The following FER variants were observed in gnomAD, a reference collection of about 807,000 sequenced individuals.
FER encodes the protein tyrosine-protein kinase Fer.
FER carries 63 observed loss-of-function variants against 111.0 expected under a neutral mutation model. That is an observed-to-expected ratio of 0.57 (90% confidence interval 0.46 to 0.70). The LOEUF (loss-of-function observed/expected upper bound fraction) is 0.70, where lower values mean the gene tolerates loss of function less well. FER is among the 30% of genes least tolerant of loss of function. The pLI is 0.00. For missense variants in FER, 914 were observed against 954.0 expected, an observed-to-expected ratio of 0.96 and a Z score of 0.55; for synonymous variants, 327 against 313.9, an observed-to-expected ratio of 1.04 and a Z score of -0.44.
chr5:109,120,957 T>C (rs1750887045), intron 17 of FER, among the ~76,000 whole-genome samples: 1 of 151,966 alleles, frequency 6.6e-6, no homozygotes, highest in African/African-American at 2.4e-5. Flanking sequence ...ATCCCATAAC[T>C]TTACTGAATG....
chr5:108,813,614 C>T (rs1580684947), intron 3 of FER, among the ~76,000 whole-genome samples: 1 of 152,004 alleles, frequency 6.6e-6, no homozygotes, highest in African/African-American at 2.4e-5. Flanking sequence ...TTGTTGTCTT[C>T]TACTTCACTA....
chr5:109,051,957 C>G, intron 16 of FER: 3 of 1,590,382 alleles, frequency 1.9e-6, no homozygotes, highest in Non-Finnish European at 2.6e-6. Flanking sequence ...TCAGCAAGGT[C>G]ACCTCAAAGA....
chr5:108,860,909 G>C (rs1193184373), intron 5 of FER, among the ~76,000 whole-genome samples: 1 of 152,184 alleles, frequency 6.6e-6, no homozygotes, highest in East Asian at 1.9e-4. Context: ...CTGAGCAAGA[G>C]TAGGGAAAAC....
chr5:108,824,494 C>T (rs915622414), intron 3 of FER, among the ~76,000 whole-genome samples: 1 of 152,030 alleles, frequency 6.6e-6, no homozygotes, highest in African/African-American at 2.4e-5. Context: ...TTATAGTTTT[C>T]AGTGCAAAGA....
intron 1 of FER, among the ~76,000 whole-genome samples, chr5:108,759,067 G>T (rs968717246): frequency 2.0e-5 from 3 of 152,188 alleles, no homozygotes; most frequent in Non-Finnish European, 2.9e-5. Flanking sequence ...CTTTAGCTCT[G>T]TTTGAACAGA....
chr5:109,092,190 TG>T (rs1746866209), intron 16 of FER, among the ~76,000 whole-genome samples: 1 of 148,528 alleles, frequency 6.7e-6, no homozygotes, highest in South Asian at 2.1e-4. Flanking sequence ...GATATTTGAT[TG>T]GACAATGATA....
chr5:108,881,454 C>T (rs1269595929), intron 8 of FER, among the ~76,000 whole-genome samples: 2 of 152,136 alleles, frequency 1.3e-5, no homozygotes, highest in African/African-American at 4.8e-5. Context: ...GATTCAGTTA[C>T]CTCCCACTGG....
At chr5:108,815,765 A>C (rs1020397315) in intron 3 of FER, among the ~76,000 whole-genome samples, 1 of 152,228 alleles carries the variant, frequency 6.6e-6, no homozygotes, top group Non-Finnish European at 1.5e-5. Flanking sequence ...AAAGTAATGA[A>C]AAATGCTTTT....
chr5:108,997,479 G>A (rs1047434168), intron 13 of FER, among the ~76,000 whole-genome samples: 3 of 151,096 alleles, frequency 2.0e-5, no homozygotes, highest in African/African-American at 7.3e-5. Context: ...ATACACTCAT[G>A]TCATCTGCAA....
chr5:108,861,522 T>C (rs910398755), intron 5 of FER, among the ~76,000 whole-genome samples: 2 of 152,154 alleles, frequency 1.3e-5, no homozygotes, highest in African/African-American at 4.8e-5. Flanking sequence ...TCCTTGTTGA[T>C]TGACATGTAG....
chr5:108,759,953 C>T (rs954262439), intron 1 of FER, among the ~76,000 whole-genome samples: 1 of 152,206 alleles, frequency 6.6e-6, no homozygotes, highest in Non-Finnish European at 1.5e-5. Context: ...ATATCTCATC[C>T]ATAATACAGG....
At chr5:109,165,595 T>G (rs1187220061) in intron 17 of FER, among the ~76,000 whole-genome samples, 6 of 45,842 alleles carry the variant, frequency 1.3e-4, no homozygotes, top group Admixed American at 4.3e-4. Context: ...AGGGAACTGG[T>G]GTGTGTGTGT....
At chr5:109,007,940 ATAAAT>A (rs1765709683) in intron 13 of FER, among the ~76,000 whole-genome samples, 1 of 152,202 alleles carries the variant, frequency 6.6e-6, no homozygotes, top group Non-Finnish European at 1.5e-5. Context: ...TTTAAAATAA[ATAAAT>A]TAGATAATTA....
chr5:108,821,556 TGCTTGG>T (rs1458050917), intron 3 of FER, among the ~76,000 whole-genome samples: 2 of 152,154 alleles, frequency 1.3e-5, no homozygotes, highest in African/African-American at 4.8e-5. Context: ...ATGCTTCTTG[TGCTTGG>T]GTTCATTGAG....
chr5:108,877,630 A>T (rs2150265078), intron 8 of FER, among the ~76,000 whole-genome samples: 1 of 152,356 alleles, frequency 6.6e-6, no homozygotes, highest in South Asian at 2.1e-4. Context: ...TTGCAACAAT[A>T]GAGAAAAAGA....
At chr5:109,100,658 T>G (rs1748112080) in intron 17 of FER, 139 bp downstream of exon 17, 2 of 841,874 alleles carry the variant, frequency 2.4e-6, no homozygotes, top group South Asian at 1.9e-5. Context: ...GAAAGTGTCC[T>G]CTGCTAGTTG....
intron 2 of FER, among the ~76,000 whole-genome samples, chr5:108,794,538 C>CT (rs1241270178): frequency 3.1e-5 from 4 of 127,396 alleles, no homozygotes; most frequent in African/African-American, 1.2e-4. Context: ...CCCCCCCCCT[C>CT]CCCGCACCTT....
chr5:109,010,265 C>G (rs768442256), intron 13 of FER, among the ~76,000 whole-genome samples: 1 of 152,172 alleles, frequency 6.6e-6, no homozygotes, highest in Non-Finnish European at 1.5e-5. Context: ...TAATGCCATT[C>G]TCCTGCCTCA....
chr5:108,843,599 G>C (rs7713158), intron 5 of FER, among the ~76,000 whole-genome samples: 8,577 of 144,480 alleles, frequency 0.059, 347 homozygotes, highest in Non-Finnish European at 0.084. Flanking sequence ...GTGTGATCTC[G>C]GGTCGCTGTA....
Sources: gnomAD v4.1 joint callset for allele counts (sites outside exome capture counted in the v4.1 genomes callset) on GRCh38, gnomAD v4.1.1 for gene constraint, MANE v1.5 for transcripts, NCBI Gene and HGNC (gene_info 2026-07-23, HGNC 2026-07-21) for gene names.